The following ZNF131 variants were observed in gnomAD, a reference collection of about 807,000 sequenced individuals.
ZNF131 encodes the protein zinc finger and BTB domain containing 35, also known as zinc finger protein 131.
A neutral mutation model predicts 60.0 loss-of-function variants in ZNF131; 7 were observed. The ratio of observed to expected loss-of-function variants is 0.12; its 90% CI spans 0.07 to 0.22. The LOEUF (loss-of-function observed/expected upper bound fraction) is 0.22, where lower values mean the gene tolerates loss of function less well. Among genes scored for constraint, ZNF131 ranks in the 10% least tolerant of loss-of-function variants. ZNF131 has a pLI of 1.00. For synonymous variants in ZNF131, 257 were observed against 253.2 expected, an observed-to-expected ratio of 1.01 and a Z score of -0.14; for missense variants, 493 against 740.9, an observed-to-expected ratio of 0.67 and a Z score of 3.88.
chr5:43,155,277 TGA>T (rs1202746542), intron 4 of ZNF131, among the ~76,000 whole-genome samples: 2 of 152,232 alleles, frequency 1.3e-5, no homozygotes, highest in South Asian at 4.1e-4. Flanking sequence ...CATGAAGTCT[TGA>T]GTTTACTCAC....
intron 3 of ZNF131, among the ~76,000 whole-genome samples, chr5:43,125,844 A>G (rs974287834): frequency 4.6e-5 from 7 of 152,160 alleles, no homozygotes; most frequent in Non-Finnish European, 5.9e-5. Flanking sequence ...ATGAGCACAC[A>G]TTACCTGGAG....
intron 4 of ZNF131, 25 bp from the exon 5 acceptor site, chr5:43,161,224 T>A: frequency 1.3e-6 from 2 of 1,544,194 alleles, no homozygotes; most frequent in Non-Finnish European, 1.7e-6. Context: ...ATAGATTTTT[T>A]AAACCCCTAC....
intron 4 of ZNF131, among the ~76,000 whole-genome samples, chr5:43,139,773 T>C (rs1746566729): frequency 2.0e-5 from 3 of 152,214 alleles, no homozygotes; most frequent in Admixed American, 6.5e-5. Flanking sequence ...CATAAGTCTA[T>C]AGTAGATGTG....
intron 3 of ZNF131, among the ~76,000 whole-genome samples, chr5:43,127,184 C>T (rs970434280): frequency 2.0e-5 from 3 of 152,134 alleles, no homozygotes; most frequent in South Asian, 4.1e-4. Context: ...AACTGGGACC[C>T]CGTCCCCCAC....
At chr5:43,140,633 C>T (rs1477572876) in intron 4 of ZNF131, among the ~76,000 whole-genome samples, 2 of 152,186 alleles carry the variant, frequency 1.3e-5, no homozygotes, top group Non-Finnish European at 2.9e-5. Context: ...TTTCACATAG[C>T]GGCACAATGA....
chr5:43,135,679 C>T (rs1745991553), intron 3 of ZNF131, among the ~76,000 whole-genome samples: 2 of 151,974 alleles, frequency 1.3e-5, no homozygotes, highest in African/African-American at 4.8e-5. Flanking sequence ...ATGGATTGCA[C>T]CACTGCACTC....
chr5:43,122,585 T>G (rs1443932307), intron 2 of ZNF131, among the ~76,000 whole-genome samples: 1 of 152,126 alleles, frequency 6.6e-6, no homozygotes, highest in African/African-American at 2.4e-5. Context: ...GAAGGGAGAA[T>G]GAGAGATTCC....
intron 3 of ZNF131, among the ~76,000 whole-genome samples, chr5:43,136,476 CTTTT>C (rs70991484): frequency 1.5e-3 from 106 of 70,030 alleles, no homozygotes; most frequent in East Asian, 7.0e-3. Context: ...AGGCATCATA[CTTTT>C]TTTTTTTTTT....
At chr5:43,159,322 C>T (rs914891629) in intron 4 of ZNF131, among the ~76,000 whole-genome samples, 3 of 152,248 alleles carry the variant, frequency 2.0e-5, no homozygotes, top group Non-Finnish European at 2.9e-5. Flanking sequence ...TGAAGAGACT[C>T]AAGGAGAATT....
rs1326150069 is a variant in ZNF131 at position 43,122,042 on chromosome 5, A to C, written c.-12A>C. On this transcript the variant is annotated 5_prime_UTR_variant, in exon 2 of 7. Transcript: ENST00000682664. ...TTATCATGCTCTTCTTTTGTAGAGC[A>C]GCCCGACGGCCATGGAGGCTGAAGA... 1.4e-5 allele frequency: 22 copies of C among 1,613,700 alleles called. No individual in the cohort carries two copies. Among genetic ancestry groups the C allele is most frequent in the Non-Finnish European group, 1.7e-5 (20 of 1,179,906 alleles).
rs536777936 is a variant in ZNF131, at chr5:43,146,363, G to A, written c.371+7054G>A. Among the ~76,000 whole-genome samples the A allele has an allele frequency of 4.6e-5, 7 of 152,208 alleles. No individual in the cohort carries two copies. In the South Asian group the frequency reaches 8.3e-4, roughly 18 times the overall value. On this transcript the variant is annotated intron_variant, in intron 4 of 6. Coordinates refer to ENST00000682664, the MANE Select transcript of ZNF131 (RefSeq NM_001330707.2). ...AGCACTTTGGGAGGCCAAGGTGGGCGGATATGAGGTCAGGAGATCGAGACC... is the reference window on the plus strand; with the variant it reads ...AGCACTTTGGGAGGCCAAGGTGGGCAGATATGAGGTCAGGAGATCGAGACC...
At chr5:43,172,206 C>T (rs1301948141) in intron 5 of ZNF131, among the ~76,000 whole-genome samples, 2 of 152,222 alleles carry the variant, frequency 1.3e-5, no homozygotes, top group Non-Finnish European at 2.9e-5. Flanking sequence ...GTTTCATTTC[C>T]TTCACTAGCC....
chr5:43,165,010 G>A (rs534238976), intron 5 of ZNF131, among the ~76,000 whole-genome samples: 1 of 152,206 alleles, frequency 6.6e-6, no homozygotes, highest in East Asian at 1.9e-4. Context: ...GAGTACAGTG[G>A]CGCGATCATG....
rs142751477 is a variant in ZNF131 at position 43,121,931 on chromosome 5, C to T, written c.-15-108C>T. The T allele has an allele frequency of 4.0e-4, 481 of 1,217,448 alleles. 7 individuals carry two copies. In the East Asian group the frequency reaches 0.012, roughly 30 times the overall value. 75.4% of individuals were successfully genotyped at this position (1,217,448 alleles called of 1,614,324 possible). On this transcript the variant is annotated intron_variant, in intron 1 of 6. Coordinates refer to ENST00000682664, the MANE Select transcript of ZNF131 (RefSeq NM_001330707.2). ...TTTCTCTCCTCTTGCTTCACCCTCC[C>T]CCCTTCTTTTCACGTTGCTGGTTTT...
At chr5:43,138,775 C>G (rs1746448626) in intron 3 of ZNF131, among the ~76,000 whole-genome samples, 3 of 152,042 alleles carry the variant, frequency 2.0e-5, no homozygotes, top group African/African-American at 7.2e-5. Context: ...TGTGAAGGGC[C>G]TTGAAATAAA....
chr5:43,134,866 C>T (rs7712046), intron 3 of ZNF131, among the ~76,000 whole-genome samples: 106,320 of 150,626 alleles, frequency 0.71, 37,852 homozygotes, highest in East Asian at 0.84. Flanking sequence ...CCAGCTAATT[C>T]TTTGTATTTT....
intron 4 of ZNF131, among the ~76,000 whole-genome samples, chr5:43,156,693 T>C (rs1193503740): frequency 6.6e-6 from 1 of 152,170 alleles, no homozygotes; most frequent in Non-Finnish European, 1.5e-5. Context: ...GTTGTGAGGT[T>C]TATGTCCTTT....
intron 3 of ZNF131, among the ~76,000 whole-genome samples, chr5:43,132,658 G>A (rs185644386): frequency 8.1e-4 from 123 of 152,002 alleles, no homozygotes; most frequent in South Asian, 1.0e-3. Flanking sequence ...TTACAGGCGC[G>A]CGTAACCACA....
chr5:43,166,462 G>A (rs1446864553), intron 5 of ZNF131, among the ~76,000 whole-genome samples: 1 of 151,398 alleles, frequency 6.6e-6, no homozygotes, highest in Non-Finnish European at 1.5e-5. Flanking sequence ...CTGGGTTCAC[G>A]CCATTCTCCT....
Sources: gnomAD v4.1 joint callset for allele counts (sites outside exome capture counted in the v4.1 genomes callset) on GRCh38, gnomAD v4.1.1 for gene constraint, MANE v1.5 for transcripts, NCBI Gene and HGNC (gene_info 2026-07-23, HGNC 2026-07-21) for gene names.